LLGL2: variants seen among roughly 807,000 people sequenced by gnomAD.
LLGL2 encodes LLGL scribble cell polarity complex component 2.
A neutral mutation model predicts 123.2 loss-of-function variants in LLGL2; 81 were observed. That is an observed-to-expected ratio of 0.66 (90% CI 0.55 to 0.79). The LOEUF is 0.79. Among genes scored for constraint, LLGL2 ranks in the 30% least tolerant of loss-of-function variants. LLGL2 has a pLI of 0.00. For missense variants in LLGL2, 1,273 were observed against 1,414.6 expected (o/e 0.90, Z 1.61); for synonymous variants, 577 against 594.1 (o/e 0.97, Z 0.42).
At chr17:75,553,991 A>G (rs1568042822) in intron 2 of LLGL2, among the ~76,000 whole-genome samples, 1 of 152,164 alleles carries the variant, frequency 6.6e-6, no homozygotes. Context: ...GGTAAAGAAT[A>G]TTCTTTAGAT....
chr17:75,542,750 A>T (rs2054263416), intron 1 of LLGL2: 1 of 152,194 alleles, frequency 6.6e-6, no homozygotes, highest in Admixed American at 6.5e-5. Flanking sequence ...ACCGGCAGAG[A>T]CCCCAGGCAC....
intron 1 of LLGL2, among the ~76,000 whole-genome samples, chr17:75,541,638 T>TG (rs2054209370): frequency 6.7e-6 from 1 of 149,142 alleles, no homozygotes. Context: ...GACAGCGCTC[T>TG]GGGGGCTGGT....
chr17:75,536,992 T>C (rs1045879396), intron 1 of LLGL2, among the ~76,000 whole-genome samples: 6 of 152,124 alleles, frequency 3.9e-5, no homozygotes, highest in African/African-American at 1.4e-4. Context: ...CATGCCCGGC[T>C]AATTTTTTTT....
chr17:75,540,109 C>T (rs2054152714), intron 1 of LLGL2, among the ~76,000 whole-genome samples: 1 of 152,096 alleles, frequency 6.6e-6, no homozygotes. Flanking sequence ...CTATGCGGTG[C>T]TGTGATGGTG....
chr17:75,562,423 G>A (rs1469485256), intron 6 of LLGL2: 3 of 155,554 alleles, frequency 1.9e-5, no homozygotes, highest in Non-Finnish European at 4.3e-5. Flanking sequence ...GCTCCCTCTT[G>A]CCCCCACATT....
chr17:75,563,977 C>T lies in LLGL2; in HGVS notation c.881+171C>T, dbSNP rs991210362. Among the ~76,000 whole-genome samples, 49 of 152,214 alleles carry T rather than the reference C, an allele frequency of 3.2e-4. 1 individual carries two copies. Among genetic ancestry groups the T allele is most frequent in the African/African-American group, 9.9e-4 (41 of 41,458 alleles). On this transcript the variant is annotated intron_variant, in intron 9 of 25. Transcript: ENST00000392550. ...GGTAGACGCTATTCACGTCTCTCAG[C>T]GGCCCAATTCCTGCCAAGTTCATTC...
chr17:75,562,224 TCA>T (rs1283350206), intron 6 of LLGL2: 1 of 152,226 alleles, frequency 6.6e-6, no homozygotes, highest in African/African-American at 2.4e-5. Flanking sequence ...CCAGGCCAAC[TCA>T]CACAGAGTTT....
chr17:75,570,183 G>T lies in LLGL2; in HGVS notation c.1802G>T (p.Arg601Leu). The change falls in exon 15 of 26, where the codon CGG becomes CTG. Residue 601 changes from arginine (R) to leucine (L), a missense_variant. Physicochemically the swap from Arg to Leu is moderately radical, Grantham distance 102. Transcript: ENST00000392550. Reference sequence around the variant, plus strand: ...TCCTTGGCCCTGCACTCTGAGTGGCGGCTCGTGGCCTTCGGCACCAGCCAT... The same window carrying T: ...TCCTTGGCCCTGCACTCTGAGTGGCTGCTCGTGGCCTTCGGCACCAGCCAT... Reference protein sequence around the residue: ...VTSLALHSEWRLVAFGTSHGF... With the variant: ...VTSLALHSEWLLVAFGTSHGF... 6.3e-7 allele frequency: 1 copy of T among 1,588,720 alleles called. No individual in the cohort carries two copies. The highest frequency in any genetic ancestry group is 2.3e-5 in the East Asian group (1 of 43,426).
intron 21 of LLGL2, 71 bp from the exon 22 acceptor site, chr17:75,573,881 A>G: frequency 6.6e-6 from 10 of 1,515,978 alleles, no homozygotes; most frequent in South Asian, 1.2e-5. Context: ...CTTGTTCTTC[A>G]TGGGACCAGG....
intron 1 of LLGL2, among the ~76,000 whole-genome samples, chr17:75,533,091 C>T (rs2053864129): frequency 6.6e-6 from 1 of 151,734 alleles, no homozygotes; most frequent in Admixed American, 6.6e-5. Flanking sequence ...GCTCTGCCTC[C>T]CGGGTTCACG....
chr17:75,533,827 A>G (rs898226371), intron 1 of LLGL2: 1 of 152,258 alleles, frequency 6.6e-6, no homozygotes, highest in African/African-American at 2.4e-5. Flanking sequence ...GGGGCAGGTT[A>G]CAACTTTTAA....
At chr17:75,548,907 C>T (rs560819119) in intron 2 of LLGL2, among the ~76,000 whole-genome samples, 32 of 152,192 alleles carry the variant, frequency 2.1e-4, no homozygotes, top group African/African-American at 6.7e-4. Flanking sequence ...TGACACAGGT[C>T]GACGCCTTAC....
Position 75,558,155 on chromosome 17 carries a change from C to T in LLGL2, c.174C>T (p.Leu58=). ...AIGTRSGAIK[L]YGAPGVEFMG... ...AGAGCTTTCCTGAGCCTACTCCTAGCTACGGAGCCCCAGGCGTGGAGTTCA... is the reference window on the plus strand; with the variant it reads ...AGAGCTTTCCTGAGCCTACTCCTAGTTACGGAGCCCCAGGCGTGGAGTTCA... Residue 58 remains leucine (L), a splice_region_variant and synonymous_variant, in exon 4 of 26, where the codon CTC becomes CTT. Transcript: ENST00000392550. The surrounding 1 kb of genome is among the most constrained non-coding windows in gnomAD (Gnocchi z 4.0). 6.2e-7 allele frequency: 1 copy of T among 1,613,762 alleles called. No homozygotes were observed. Among genetic ancestry groups the T allele is most frequent in the Non-Finnish European group, 8.5e-7 (1 of 1,179,884 alleles).
intron 25 of LLGL2, 43 bp from the exon 26 acceptor site, chr17:75,574,828 T>C: frequency 6.2e-7 from 1 of 1,610,900 alleles, no homozygotes; most frequent in African/African-American, 1.3e-5. Flanking sequence ...GGGCACCCCG[T>C]CCTGCCCAGG....
chr17:75,572,955 A>T (rs1446521035), intron 19 of LLGL2, 59 bp from the exon 20 acceptor site: 1 of 1,533,798 alleles, frequency 6.5e-7, no homozygotes, highest in African/African-American at 1.4e-5. Context: ...CAGCAGCAGC[A>T]GCACAGGGCA....
chr17:75,549,842 C>T lies in LLGL2; in HGVS notation c.76-6204C>T, dbSNP rs1192649021. Among the ~76,000 whole-genome samples, 2 of 152,204 alleles carry T rather than the reference C, an allele frequency of 1.3e-5. No homozygotes were observed. Among genetic ancestry groups the T allele is most frequent in the East Asian group, 3.9e-4 (2 of 5,182 alleles). On this transcript the variant is annotated intron_variant, in intron 2 of 25. Transcript: ENST00000392550. The surrounding 1 kb of genome is among the most constrained non-coding windows in gnomAD (Gnocchi z 4.0). ...CTGTCTCTGACAGCCAGCCTTTGCC[C>T]ACTCGCTCCCCTTCCGGGACCTGGA...
At position 75,549,592 on chromosome 17, in the gene LLGL2, C is replaced by G. The variant is rs1314782379; in HGVS notation, c.75+6091C>G. Among the ~76,000 whole-genome samples, 1 of 152,236 alleles carries G rather than the reference C, an allele frequency of 6.6e-6. No homozygotes were observed. The highest frequency in any genetic ancestry group is 2.4e-5 in the African/African-American group (1 of 41,466). On this transcript the variant is annotated intron_variant, in intron 2 of 25. Transcript: ENST00000392550. This position sits in a 1 kb window ranked among gnomAD's most constrained non-coding sequence, Gnocchi z 4.0. ...GGTGACAGCAGCCACACAGGGAGGG[C>G]CAGGCTGCCGCCACTGCCAGGAATC...
Position 75,574,650 on chromosome 17 carries a change from A to G in LLGL2, c.3037A>G (p.Ser1013Gly), listed in dbSNP as rs766770112. The G allele has an allele frequency of 6.2e-7, 1 of 1,612,098 alleles. No individual in the cohort carries two copies. The highest frequency in any genetic ancestry group is 1.1e-5 in the South Asian group (1 of 91,022). The change falls in exon 25 of 26, where the codon AGC (serine) becomes GGC (glycine). Residue 1013 changes from serine to glycine, a missense_variant. Transcript: ENST00000392550. ...WRSHRAAVGC[S>G]LSNGGAE ...TTCACATCGAGCCGCCGTGGGGTGC[A>G]GCCTCAGCAATGGCGGAGGTGGGGG...
intron 2 of LLGL2, 65 bp from the exon 3 acceptor site, chr17:75,555,981 G>C (rs2305528): frequency 0.53 from 686,081 of 1,292,984 alleles, 186,874 homozygotes; most frequent in South Asian, 0.62. Context: ...TGCTGCAGCT[G>C]CAGCAGCCAT....
Sources: gnomAD v4.1 joint callset for allele counts (sites outside exome capture counted in the v4.1 genomes callset) on GRCh38, gnomAD v4.1.1 for gene constraint, Gnocchi (gnomAD v3.1) non-coding constraint, MANE v1.5 for transcripts, NCBI Gene and HGNC (gene_info 2026-07-23, HGNC 2026-07-21) for gene names.